ST3GAL3: variants seen among roughly 807,000 people sequenced by gnomAD.
The protein encoded by ST3GAL3 is CMP-N-acetylneuraminate-beta-1,4-galactoside alpha-2,3-sialyltransferase.
ST3GAL3 carries 21 observed loss-of-function variants against 50.1 expected under a neutral mutation model. That is an observed-to-expected ratio of 0.42 (90% CI 0.30 to 0.60). The LOEUF is 0.60. Ranked by LOEUF, ST3GAL3 falls within the 20% of genes least tolerant of loss-of-function variation. ST3GAL3 has a pLI of 0.19. For missense variants in ST3GAL3, 353 were observed against 489.4 expected (o/e 0.72, Z 2.63); for synonymous variants, 183 against 190.0 (o/e 0.96, Z 0.30).
intron 3 of ST3GAL3, among the ~76,000 whole-genome samples, chr1:43,807,138 T>A (rs1344426867): frequency 6.6e-6 from 1 of 152,076 alleles, no homozygotes; most frequent in Non-Finnish European, 1.5e-5. Context: ...AGTAGGAGGC[T>A]GGGCACGGTG....
chr1:43,875,467 G>A (rs1242029190), intron 5 of ST3GAL3, among the ~76,000 whole-genome samples: 2 of 152,088 alleles, frequency 1.3e-5, no homozygotes, highest in African/African-American at 4.8e-5. Flanking sequence ...ATATTGTTTG[G>A]CTTTGTCCAC....
chr1:43,838,203 C>G lies in ST3GAL3; in HGVS notation c.210-16C>G. The G allele has an allele frequency of 6.2e-7, 1 of 1,603,298 alleles. No homozygotes were observed. Among genetic ancestry groups the G allele is most frequent in the Non-Finnish European group, 8.5e-7 (1 of 1,173,012 alleles). On this transcript the variant is annotated splice_polypyrimidine_tract_variant and intron_variant, in intron 4 of 11. Coordinates refer to ENST00000347631, the MANE Select transcript of ST3GAL3 (RefSeq NM_006279.5). Reference sequence around the variant, plus strand: ...TCAGTGCCTGGCAAGCTGTAACTTTCCTTCTCTTCCCATAGGCCTGCTGAA... The same window carrying G: ...TCAGTGCCTGGCAAGCTGTAACTTTGCTTCTCTTCCCATAGGCCTGCTGAA...
chr1:43,805,813 GTAA>G (rs2059807578), intron 3 of ST3GAL3, among the ~76,000 whole-genome samples: 1 of 152,132 alleles, frequency 6.6e-6, no homozygotes, highest in Non-Finnish European at 1.5e-5. Flanking sequence ...TCGGCTCACG[GTAA>G]CCTCCACCTC....
chr1:43,775,230 T>C (rs1696728607), intron 2 of ST3GAL3, among the ~76,000 whole-genome samples: 1 of 151,266 alleles, frequency 6.6e-6, no homozygotes, highest in African/African-American at 2.5e-5. Context: ...GCTGGAAATC[T>C]GAATTTTTTT....
intron 2 of ST3GAL3, chr1:43,736,784 A>G (rs1678672798): frequency 3.3e-6 from 1 of 301,160 alleles, no homozygotes; most frequent in Non-Finnish European, 6.5e-6. Context: ...ATTCATCTTT[A>G]TGTTGAATTT....
intron 9 of ST3GAL3, chr1:43,916,718 G>C (rs912639830): frequency 6.6e-6 from 1 of 152,066 alleles, no homozygotes; most frequent in African/African-American, 2.4e-5. Flanking sequence ...GAGTGGCTGG[G>C]ACCACAGCCT....
At chr1:43,929,293 A>C (rs2084606746) in intron 11 of ST3GAL3, among the ~76,000 whole-genome samples, 1 of 139,766 alleles carries the variant, frequency 7.2e-6, no homozygotes. Context: ...TCAATTAAAA[A>C]ATTAGTTTTA....
intron 3 of ST3GAL3, among the ~76,000 whole-genome samples, chr1:43,813,934 C>G (rs1019371408): frequency 6.9e-6 from 1 of 143,980 alleles, no homozygotes; most frequent in African/African-American, 2.5e-5. Flanking sequence ...CACACACACA[C>G]TGCAACTATG....
intron 4 of ST3GAL3, among the ~76,000 whole-genome samples, chr1:43,829,937 A>T (rs1413486269): frequency 6.9e-6 from 1 of 145,292 alleles, no homozygotes; most frequent in Non-Finnish European, 1.5e-5. Flanking sequence ...GAGGACCCTT[A>T]GTGGTAGAGG....
chr1:43,767,906 A>G (rs183637932), intron 2 of ST3GAL3, among the ~76,000 whole-genome samples: 106 of 152,294 alleles, frequency 7.0e-4, no homozygotes, highest in Middle Eastern at 3.4e-3. Flanking sequence ...GGAAGTTTGT[A>G]GACTTTAATG....
Position 43,899,246 on chromosome 1 carries a change from CTA to C in ST3GAL3, c.542_543del (p.Tyr181Ter). Reference sequence around the variant, plus strand: ...AGTCTCTGGGGTCACGAATTGACGACTATGACATTGTGGTGAGGTGAGCTCCC... The same window carrying C: ...AGTCTCTGGGGTCACGAATTGACGACTGACATTGTGGTGAGGTGAGCTCCC... ...NKSLGSRIDDYDIVVRLNSAP... is the reference protein window; with the variant it reads ...NKSLGSRIDDXDIVVRLNSAP... On this transcript the variant is annotated frameshift_variant, in exon 8 of 12. Coordinates refer to ENST00000347631, the MANE Select transcript of ST3GAL3 (RefSeq NM_006279.5). LOFTEE classifies it high-confidence loss of function. This position sits in a 1 kb window ranked among gnomAD's most constrained non-coding sequence, Gnocchi z 5.4. 6.2e-7 allele frequency: 1 copy of C among 1,614,256 alleles called. No homozygotes were observed. Among genetic ancestry groups the C allele is most frequent in the East Asian group, 2.2e-5 (1 of 44,886 alleles).
At chr1:43,732,395 G>A (rs148378882) in intron 1 of ST3GAL3, among the ~76,000 whole-genome samples, 371 of 152,294 alleles carry the variant, frequency 2.4e-3, no homozygotes, top group African/African-American at 8.3e-3. Flanking sequence ...CTCGTTATCC[G>A]TGATCACTGC....
At chr1:43,792,934 AG>A (rs1365100367) in intron 3 of ST3GAL3, among the ~76,000 whole-genome samples, 2 of 152,220 alleles carry the variant, frequency 1.3e-5, no homozygotes, top group African/African-American at 4.8e-5. Context: ...AGGTAAAGTC[AG>A]GTGGGCCTCA....
At chr1:43,863,174 G>T (rs1262858244) in intron 5 of ST3GAL3, among the ~76,000 whole-genome samples, 4 of 152,140 alleles carry the variant, frequency 2.6e-5, no homozygotes, top group Non-Finnish European at 5.9e-5. Context: ...GTAGCTCAGG[G>T]TTTCAGAGAC....
chr1:43,857,586 CCCTTCCTT>C lies in ST3GAL3; in HGVS notation c.302+19319_302+19326del, dbSNP rs1178598580. 3.8e-4 allele frequency among the ~76,000 whole-genome samples: 33 copies of C among 85,976 alleles called. 1 individual carries two copies. The highest frequency in any genetic ancestry group is 3.4e-3 in the Admixed American group (27 of 8,000). The allele number at this position is 85,976 out of a possible 152,430, so 56.4% of individuals were successfully genotyped here. A position where few individuals can be genotyped will look rare whatever the true frequency, so the allele number is the denominator to read the frequency against. ...TTCCTTCTTTCTTTCCTTCCTCCCT[CCCTTCCTT>C]CCTTCCTTCCTTCCTTCCTTCCTTC... is the stretch of plus-strand genomic sequence containing the variant. On this transcript the variant is annotated intron_variant, in intron 5 of 11. Transcript: ENST00000347631.
At chr1:43,804,201 T>C (rs1235797841) in intron 3 of ST3GAL3, among the ~76,000 whole-genome samples, 1 of 152,202 alleles carries the variant, frequency 6.6e-6, no homozygotes, top group Non-Finnish European at 1.5e-5. Context: ...AGTTCCTCTG[T>C]ATAAGGCAAA....
chr1:43,753,381 A>G (rs1686903922), intron 2 of ST3GAL3, among the ~76,000 whole-genome samples: 2 of 152,224 alleles, frequency 1.3e-5, no homozygotes, highest in African/African-American at 4.8e-5. Flanking sequence ...GTGGGTTTCT[A>G]GTAACTTAAG....
intron 11 of ST3GAL3, 39 bp from the exon 12 acceptor site, chr1:43,930,093 G>C: frequency 6.3e-7 from 1 of 1,595,808 alleles, no homozygotes; most frequent in South Asian, 1.1e-5. Context: ...GTAAAGGTTT[G>C]AGCAAAGGCC....
chr1:43,820,734 T>C (rs747718096), intron 4 of ST3GAL3, among the ~76,000 whole-genome samples: 7 of 152,202 alleles, frequency 4.6e-5, no homozygotes, highest in Non-Finnish European at 1.0e-4. Context: ...AGAATACTGA[T>C]GTGCAAAACC....
Sources: gnomAD v4.1 joint callset for allele counts (sites outside exome capture counted in the v4.1 genomes callset) on GRCh38, gnomAD v4.1.1 for gene constraint, Gnocchi (gnomAD v3.1) non-coding constraint, MANE v1.5 for transcripts, NCBI Gene and HGNC (gene_info 2026-07-23, HGNC 2026-07-21) for gene names.